Variants in GLDC observed in about 807,000 individuals in gnomAD.
GLDC encodes the protein glycine decarboxylase, also known as glycine dehydrogenase (decarboxylating), mitochondrial.
In GLDC, 104 loss-of-function variants were observed where a neutral mutation model predicts 121.3. The observed-to-expected ratio is 0.86, with a 90% confidence interval of 0.73 to 1.01. The LOEUF is 1.01. Ranked by LOEUF, GLDC falls within the 50% of genes least tolerant of loss-of-function variation. The pLI is 0.00. For synonymous variants in GLDC, 546 were observed against 480.6 expected, an observed-to-expected ratio of 1.14 and a Z score of -1.78; for missense variants, 1,429 against 1,306.6, an observed-to-expected ratio of 1.09 and a Z score of -1.44.
intron 3 of GLDC, among the ~76,000 whole-genome samples, chr9:6,619,014 G>A (rs529191045): frequency 6.6e-4 from 100 of 151,864 alleles, no homozygotes; most frequent in African/African-American, 2.4e-3. Flanking sequence ...ACACTGGCAG[G>A]CACCTGTAAT....
intron 15 of GLDC, among the ~76,000 whole-genome samples, chr9:6,573,214 G>C (rs1287631648): frequency 1.3e-5 from 2 of 152,164 alleles, no homozygotes. Flanking sequence ...ACTTTGGGAG[G>C]CTGAGGCAGG....
Position 6,556,073 on chromosome 9 carries a change from T to C in GLDC, c.2202+80A>G, listed in dbSNP as rs573852923. On this transcript the variant is annotated intron_variant, in intron 18 of 24. Transcript: ENST00000321612. ...TGAGTTCCCTCAGGCAGGAAGCCTC[T>C]CAAGAAGTCAGAATTTTTTTTTTTT... The C allele has an allele frequency of 7.1e-6, 9 of 1,263,296 alleles. No individual in the cohort carries two copies. In the East Asian group the frequency reaches 2.1e-4, roughly 30 times the overall value. 78.3% of individuals were successfully genotyped at this position (1,263,296 alleles called of 1,614,324 possible).
chr9:6,577,815 A>ATT (rs199727125), intron 15 of GLDC, among the ~76,000 whole-genome samples: 1 of 135,116 alleles, frequency 7.4e-6, no homozygotes, highest in East Asian at 2.0e-4. Context: ...TACGTTATTG[A>ATT]TTTTTTTTTG....
intron 15 of GLDC, among the ~76,000 whole-genome samples, chr9:6,579,699 T>C (rs1213367455): frequency 1.3e-5 from 2 of 152,138 alleles, no homozygotes; most frequent in Non-Finnish European, 2.9e-5. Context: ...CAGAATGTCC[T>C]TTTTACTTAA....
intron 16 of GLDC, among the ~76,000 whole-genome samples, chr9:6,560,159 AG>A (rs1469667283): frequency 6.6e-6 from 1 of 152,232 alleles, no homozygotes; most frequent in African/African-American, 2.4e-5. Context: ...GTAAGTCAGA[AG>A]GTTTTCCCCA....
At chr9:6,556,924 C>T (rs571710659) in intron 17 of GLDC, among the ~76,000 whole-genome samples, 1 of 152,254 alleles carries the variant, frequency 6.6e-6, no homozygotes, top group East Asian at 1.9e-4. Context: ...GGTGGTTTTC[C>T]CTTGGTTCAA....
chr9:6,533,260 C>T (rs1217857713), intron 24 of GLDC, 100 bp from the exon 25 acceptor site: 6 of 969,086 alleles, frequency 6.2e-6, no homozygotes, highest in Admixed American at 5.1e-5. Context: ...AAGACACCAT[C>T]AGCCCAGCAA....
At chr9:6,562,047 C>A (rs947955700) in intron 16 of GLDC, among the ~76,000 whole-genome samples, 1 of 152,206 alleles carries the variant, frequency 6.6e-6, no homozygotes, top group Non-Finnish European at 1.5e-5. Context: ...AACTCAGACT[C>A]TGAACAGCAA....
Position 6,604,777 on chromosome 9 carries a change from G to A in GLDC, c.869C>T (p.Ala290Val), listed in dbSNP as rs534936420. 8.1e-6 allele frequency: 13 copies of A among 1,613,542 alleles called. 1 individual carries two copies. In the Admixed American group the frequency reaches 2.2e-4, roughly 27 times the overall value. ...VERAHQSGSL[A>V]CCATDLLALC... ...AGCTAAAAGGTCAGTAGCACAGCAG[G>A]CCAGGCTCTAGAAAGGAAGTGAGAG... The change falls in exon 7 of 25, where the codon GCC (alanine) becomes GTC (valine). Residue 290 changes from alanine (A) to valine (V), a missense_variant. Physicochemically the swap from Ala to Val is moderately conservative, Grantham distance 64. Coordinates refer to ENST00000321612, the MANE Select transcript of GLDC (RefSeq NM_000170.3).
Position 6,558,561 on chromosome 9 carries a change from T to C in GLDC, c.2050A>G (p.Met684Val), listed in dbSNP as rs1452317734. ...GNIDAVHLKA[M>V]VDKHKENLAA... ...TCTGCTAAGGAGAAGACAAGTACCA[T>C]GGCCTTGAGGTGAACTGCATCGATA... Residue 684 changes from methionine to valine, a missense_variant and splice_region_variant, in exon 17 of 25, where the codon ATG (methionine) becomes GTG (valine). Met to Val is a conservative substitution (Grantham distance 21). Coordinates refer to ENST00000321612, the MANE Select transcript of GLDC (RefSeq NM_000170.3). 1.2e-6 allele frequency: 2 copies of C among 1,614,198 alleles called. No homozygotes were observed. Among genetic ancestry groups the C allele is most frequent in the South Asian group, 1.1e-5 (1 of 91,080 alleles).
intron 2 of GLDC, among the ~76,000 whole-genome samples, chr9:6,627,294 T>G (rs532862356): frequency 2.4e-5 from 1 of 41,724 alleles, no homozygotes; most frequent in African/African-American, 1.4e-4. Context: ...AGACTCCATC[T>G]CAAAAAAAAA....
Position 6,602,093 on chromosome 9 carries a change from C to A in GLDC, c.1155+16G>T. On this transcript the variant is annotated intron_variant, in intron 8 of 24. Transcript: ENST00000321612. Reference sequence around the variant, plus strand: ...ATCGTAAGGCATTCAGTAGTCAGGTCAGACGTGTGATTTACCTGAGCTGTA... The same window carrying A: ...ATCGTAAGGCATTCAGTAGTCAGGTAAGACGTGTGATTTACCTGAGCTGTA... 2 of 1,455,590 alleles carry A rather than the reference C, an allele frequency of 1.4e-6. No individual in the cohort carries two copies. Among genetic ancestry groups the A allele is most frequent in the Non-Finnish European group, 1.9e-6 (2 of 1,035,138 alleles). 90.2% of individuals were successfully genotyped at this position (1,455,590 alleles called of 1,614,324 possible).
At chr9:6,546,219 G>A (rs1267484946) in intron 21 of GLDC, among the ~76,000 whole-genome samples, 2 of 151,454 alleles carry the variant, frequency 1.3e-5, no homozygotes, top group East Asian at 3.9e-4. Context: ...TTGAGACAGT[G>A]TCTCACTCTG....
At chr9:6,596,312 G>C (rs1362751846) in intron 8 of GLDC, among the ~76,000 whole-genome samples, 1 of 152,074 alleles carries the variant, frequency 6.6e-6, no homozygotes, top group Non-Finnish European at 1.5e-5. Context: ...TCACACGGCT[G>C]AACAACAAAT....
intron 21 of GLDC, chr9:6,540,785 C>A (rs560060495): frequency 6.5e-6 from 1 of 153,118 alleles, no homozygotes; most frequent in East Asian, 1.9e-4. Flanking sequence ...CGACCCAGTT[C>A]ACTTTGTTCT....
At chr9:6,626,829 T>A (rs1370122506) in intron 2 of GLDC, among the ~76,000 whole-genome samples, 1 of 152,142 alleles carries the variant, frequency 6.6e-6, no homozygotes, top group Non-Finnish European at 1.5e-5. Flanking sequence ...CAGGCACTGG[T>A]CATGCCCTGC....
chr9:6,643,110 C>G (rs1238157511), intron 2 of GLDC, among the ~76,000 whole-genome samples: 1 of 152,024 alleles, frequency 6.6e-6, no homozygotes, highest in Non-Finnish European at 1.5e-5. Context: ...ATTGCCCAAA[C>G]TGGTCTCAAA....
At chr9:6,628,582 G>A (rs1043042958) in intron 2 of GLDC, among the ~76,000 whole-genome samples, 1 of 152,210 alleles carries the variant, frequency 6.6e-6, no homozygotes, top group Non-Finnish European at 1.5e-5. Flanking sequence ...TTTGAGCCCA[G>A]GAGTTCGAGC....
At chr9:6,635,039 T>A (rs527415086) in intron 2 of GLDC, among the ~76,000 whole-genome samples, 1 of 152,212 alleles carries the variant, frequency 6.6e-6, no homozygotes, top group Non-Finnish European at 1.5e-5. Flanking sequence ...ACATGGTCTA[T>A]TCACCGTCCC....
Sources: gnomAD v4.1 joint callset for allele counts (sites outside exome capture counted in the v4.1 genomes callset) on GRCh38, gnomAD v4.1.1 for gene constraint, MANE v1.5 for transcripts, NCBI Gene and HGNC (gene_info 2026-07-23, HGNC 2026-07-21) for gene names.